REDIC1: variants seen among roughly 807,000 people sequenced by gnomAD.
REDIC1 encodes HEI10 Interacting Protein 1.
At chr12:39,659,353 T>G in the REDIC1 span, among the ~76,000 whole-genome samples, 1 of 152,056 alleles carries the variant, frequency 6.6e-6, no homozygotes, top group African/African-American at 2.4e-5. Context: ...TCAAAAATTT[T>G]TATCCATTAT....
chr12:39,844,561 T>A, the REDIC1 span, among the ~76,000 whole-genome samples: 2 of 152,176 alleles, frequency 1.3e-5, no homozygotes, highest in South Asian at 4.1e-4. Flanking sequence ...TCATAACATA[T>A]AAAATATAAA....
chr12:39,734,444 T>TA, the REDIC1 span, among the ~76,000 whole-genome samples: 1 of 152,236 alleles, frequency 6.6e-6, no homozygotes, highest in African/African-American at 2.4e-5. Context: ...ATTTGTCTTT[T>TA]AAAAAATATT....
chr12:39,684,784 C>T, the REDIC1 span: 36 of 987,184 alleles, frequency 3.6e-5, no homozygotes, highest in Admixed American at 7.7e-4. Context: ...TGATCTGAAG[C>T]CAAGTTTGGG....
chr12:39,813,259 G>T, the REDIC1 span, among the ~76,000 whole-genome samples: 1 of 151,350 alleles, frequency 6.6e-6, no homozygotes, highest in Non-Finnish European at 1.5e-5. Flanking sequence ...AAATACTTTT[G>T]TCTTTGATCT....
At chr12:39,738,533 A>G in the REDIC1 span, among the ~76,000 whole-genome samples, 1 of 152,212 alleles carries the variant, frequency 6.6e-6, no homozygotes. Flanking sequence ...TGTGATCAAA[A>G]GTTATGTTTG....
At chr12:39,724,349 G>A in the REDIC1 span, among the ~76,000 whole-genome samples, 2 of 152,114 alleles carry the variant, frequency 1.3e-5, no homozygotes, top group East Asian at 1.9e-4. Flanking sequence ...TCAGGCAGTA[G>A]GTCCTGGGAA....
chr12:39,686,016 T>C, the REDIC1 span, among the ~76,000 whole-genome samples: 2 of 152,230 alleles, frequency 1.3e-5, no homozygotes, highest in African/African-American at 4.8e-5. Context: ...CCAAAAGCCT[T>C]GGGCAGCCCT....
At chr12:39,721,416 A>G in the REDIC1 span, 5 of 595,032 alleles carry the variant, frequency 8.4e-6, no homozygotes, top group Non-Finnish European at 1.5e-5. Flanking sequence ...ACATTTTAAT[A>G]TTATTAATGT....
the REDIC1 span, chr12:39,764,763 A>G: frequency 1.1e-5 from 18 of 1,612,852 alleles, no homozygotes; most frequent in Non-Finnish European, 1.5e-5. Flanking sequence ...AAGATATAAA[A>G]TAAGGCCCAG....
At chr12:39,646,082 G>A in the REDIC1 span, among the ~76,000 whole-genome samples, 1 of 151,900 alleles carries the variant, frequency 6.6e-6, no homozygotes, top group Admixed American at 6.6e-5. Context: ...AGAAATCTTG[G>A]TGGAAGAAAA....
the REDIC1 span, among the ~76,000 whole-genome samples, chr12:39,905,847 T>C: frequency 6.6e-6 from 1 of 151,480 alleles, no homozygotes; most frequent in African/African-American, 2.4e-5. Context: ...TACACTTCTA[T>C]GGATAACTTA....
At chr12:39,890,287 C>T in the REDIC1 span, among the ~76,000 whole-genome samples, 3 of 152,140 alleles carry the variant, frequency 2.0e-5, no homozygotes, top group African/African-American at 7.2e-5. Flanking sequence ...TTCATTAGAG[C>T]ATCATTATTA....
At chr12:39,709,410 C>T in the REDIC1 span, among the ~76,000 whole-genome samples, 130 of 151,734 alleles carry the variant, frequency 8.6e-4, no homozygotes, top group East Asian at 0.01. Flanking sequence ...TCAACAGTTT[C>T]CAGGTGTACA....
At chr12:39,848,950 T>C in the REDIC1 span, among the ~76,000 whole-genome samples, 1 of 152,104 alleles carries the variant, frequency 6.6e-6, no homozygotes, top group Non-Finnish European at 1.5e-5. Context: ...ATGGTCTCAC[T>C]TATAAGTGGG....
At chr12:39,646,864 C>T in the REDIC1 span, 1 of 1,598,116 alleles carries the variant, frequency 6.3e-7, no homozygotes, top group African/African-American at 1.3e-5. Flanking sequence ...GACTAAGTAG[C>T]AAGGAAGATC....
chr12:39,683,533 T>C, the REDIC1 span: 1 of 1,384,214 alleles, frequency 7.2e-7, no homozygotes, highest in African/African-American at 1.5e-5. Context: ...TCTAGTATGA[T>C]GCATGATGAA....
the REDIC1 span, among the ~76,000 whole-genome samples, chr12:39,742,478 A>G: frequency 6.6e-6 from 1 of 152,120 alleles, no homozygotes; most frequent in Non-Finnish European, 1.5e-5. Flanking sequence ...TTTGTTTTTA[A>G]AAATACAGCT....
chr12:39,742,566 G>T, the REDIC1 span, among the ~76,000 whole-genome samples: 1 of 152,126 alleles, frequency 6.6e-6, no homozygotes, highest in African/African-American at 2.4e-5. Context: ...TTCCCTGCCC[G>T]TGAAGTCCTC....
At chr12:39,789,752 T>G in the REDIC1 span, among the ~76,000 whole-genome samples, 17 of 152,308 alleles carry the variant, frequency 1.1e-4, no homozygotes, top group Admixed American at 2.0e-4. Context: ...AAAAATGGTA[T>G]GCCAATATCG....
Sources: gnomAD v4.1 joint callset for allele counts (sites outside exome capture counted in the v4.1 genomes callset) on GRCh38, gnomAD v4.1.1 for gene constraint, MANE v1.5 for transcripts, NCBI Gene and HGNC (gene_info 2026-07-23, HGNC 2026-07-21) for gene names.